Variants in LATS2 observed in about 807,000 individuals in gnomAD.
LATS2 encodes serine/threonine-protein kinase LATS2.
In LATS2, 24 loss-of-function variants were observed where a neutral mutation model predicts 76.0. That is an observed-to-expected ratio of 0.32 (90% CI 0.23 to 0.44). LATS2 has a LOEUF of 0.44. Among genes scored for constraint, LATS2 ranks in the 20% least tolerant of loss-of-function variants. The pLI, the probability that LATS2 is intolerant of heterozygous loss-of-function variation, is 1.00. For synonymous variants in LATS2, 692 were observed against 635.4 expected (o/e 1.09, Z -1.34); for missense variants, 1,286 against 1,481.2 (o/e 0.87, Z 2.16).
Position 20,988,153 on chromosome 13 carries a change from T to C in LATS2, c.1627A>G (p.Ser543Gly), listed in dbSNP as rs1870255523. Residue 543 changes from serine (S) to glycine (G), a missense_variant, in exon 4 of 8, where the codon AGC becomes GGC. Physicochemically the swap from Ser to Gly is moderately conservative, Grantham distance 56 (BLOSUM62 0). Around this residue, in one of 5 missense-constraint regions of LATS2, gnomAD observed 710 missense variants for 660.9 expected, o/e 1.07. Coordinates refer to ENST00000382592, the MANE Select transcript of LATS2 (RefSeq NM_014572.3). ...GGCTCGTTGGGGCCCGCACGGAGGCTCTGCTCCATGCCTGCGCACAGGCTG... is the reference window on the plus strand; with the variant it reads ...GGCTCGTTGGGGCCCGCACGGAGGCCCTGCTCCATGCCTGCGCACAGGCTG... ...LDSLCAGMEQ[S>G]LRAGPNEPEG... 2 of 1,613,964 alleles carry C rather than the reference T, an allele frequency of 1.2e-6. No homozygotes were observed. The highest frequency in any genetic ancestry group is 1.7e-6 in the Non-Finnish European group (2 of 1,180,000).
intron 2 of LATS2, among the ~76,000 whole-genome samples, chr13:21,019,295 T>TTTG (rs1366040006): frequency 4.0e-4 from 43 of 108,770 alleles, no homozygotes; most frequent in African/African-American, 1.5e-3. Context: ...CTCACTTGGA[T>TTTG]TTGTTATTAT....
rs552043630 is a variant in LATS2, at chr13:21,011,181, C to T, written c.343-19777G>A. The stretch of plus-strand genomic sequence containing the variant: ...ATATCAGGACCATGGCCGTTTCTAC[C>T]TCCTCTCATCTCTTTCTTGGCAGTA... On this transcript the variant is annotated intron_variant, in intron 2 of 7. Coordinates refer to ENST00000382592, the MANE Select transcript of LATS2 (RefSeq NM_014572.3). Among the ~76,000 whole-genome samples the T allele has an allele frequency of 1.3e-3, 204 of 152,326 alleles. 2 individuals are homozygous for T. The highest frequency in any genetic ancestry group is 4.6e-3 in the African/African-American group (193 of 41,570).
chr13:21,019,465 T>G (rs1871950302), intron 2 of LATS2, among the ~76,000 whole-genome samples: 1 of 148,300 alleles, frequency 6.7e-6, no homozygotes. Context: ...TAGCTGGAAC[T>G]ACAGGTGCAC....
At position 20,973,981 on chromosome 13, in the gene LATS2, C is replaced by A. The variant is rs925740669; in HGVS notation, c.*889G>T. On this transcript the variant is annotated 3_prime_UTR_variant, in exon 8 of 8. Transcript: ENST00000382592. ...GACAAATGTTTCAGTTCCCCCCCCC[C>A]AAAGAATCCAATCACAACCAAGACA... is the stretch of plus-strand genomic sequence containing the variant. The A allele has an allele frequency of 1.5e-5, 3 of 195,920 alleles. No individual in the cohort carries two copies. The highest frequency in any genetic ancestry group is 2.2e-4 in the South Asian group (1 of 4,602). The allele number at this position is 195,920 out of a possible 1,614,324, so 12.1% of individuals were successfully genotyped here.
At chr13:21,055,371 T>C (rs1019676260) in intron 1 of LATS2, among the ~76,000 whole-genome samples, 1 of 152,224 alleles carries the variant, frequency 6.6e-6, no homozygotes, top group African/African-American at 2.4e-5. Flanking sequence ...GCATCACCAA[T>C]TGATTCACAC....
chr13:21,000,771 G>A (rs904617865), intron 2 of LATS2, among the ~76,000 whole-genome samples: 4 of 152,134 alleles, frequency 2.6e-5, no homozygotes, highest in Non-Finnish European at 5.9e-5. Flanking sequence ...TAGATGGTAT[G>A]TAGCAAAAAT....
intron 2 of LATS2, among the ~76,000 whole-genome samples, chr13:21,042,029 A>C (rs1274677031): frequency 6.6e-6 from 1 of 152,190 alleles, no homozygotes; most frequent in Non-Finnish European, 1.5e-5. Context: ...TATGCCAATA[A>C]CTATCCAATG....
chr13:21,029,950 C>G (rs981964248), intron 2 of LATS2, among the ~76,000 whole-genome samples: 1 of 151,878 alleles, frequency 6.6e-6, no homozygotes, highest in African/African-American at 2.4e-5. Context: ...ATGGTGAAAC[C>G]CTGTCTCTAC....
chr13:21,035,261 A>T (rs947350956), intron 2 of LATS2, among the ~76,000 whole-genome samples: 4 of 150,468 alleles, frequency 2.7e-5, no homozygotes, highest in African/African-American at 7.3e-5. Context: ...TGGATGTGGC[A>T]TTTTTTTTTT....
rs542805291 is a variant in LATS2, at chr13:20,994,525, C to T, written c.343-3121G>A. Among the ~76,000 whole-genome samples the T allele has an allele frequency of 3.3e-5, 5 of 152,218 alleles. No homozygotes were observed. The South Asian group carries it at 8.3e-4, about 25-fold the overall frequency. On this transcript the variant is annotated intron_variant, in intron 2 of 7. Coordinates refer to ENST00000382592, the MANE Select transcript of LATS2 (RefSeq NM_014572.3). The stretch of plus-strand genomic sequence containing the variant: ...ATGGCAAGAGGTCGGAGCCAGGATG[C>T]GGGAGGAGTGTGTCAGAGAGATGCA...
intron 1 of LATS2, among the ~76,000 whole-genome samples, 174 bp downstream of exon 1, chr13:21,061,172 G>T (rs1019513406): frequency 2.6e-5 from 4 of 151,208 alleles, no homozygotes; most frequent in African/African-American, 9.7e-5. Context: ...CGCGGACCGT[G>T]GGGGCAGGGC....
At chr13:21,004,276 C>T (rs1871170723) in intron 2 of LATS2, among the ~76,000 whole-genome samples, 1 of 152,002 alleles carries the variant, frequency 6.6e-6, no homozygotes, top group Admixed American at 6.6e-5. Context: ...CTCTGTTAAA[C>T]ATACAAAATT....
In LATS2 at chr13:20,988,712, G is replaced by C; in HGVS notation, c.1068C>G (p.Asn356Lys). 2 of 1,566,664 alleles carry C rather than the reference G, an allele frequency of 1.3e-6. No individual in the cohort carries two copies. Among genetic ancestry groups the C allele is most frequent in the East Asian group, 2.3e-5 (1 of 44,382 alleles). ...SLLTPSRNSL[N>K]VDLYELGSTS... ...TGCTGCCCAATTCATACAGGTCCAC[G>C]TTGAGGCTGTTCCGCGAGGGAGTGA... The change falls in exon 4 of 8, where the codon AAC (asparagine) becomes AAG (lysine). Residue 356 changes from asparagine to lysine, a missense_variant. Coordinates refer to ENST00000382592, the MANE Select transcript of LATS2 (RefSeq NM_014572.3).
At chr13:21,012,797 C>T (rs1182626083) in intron 2 of LATS2, among the ~76,000 whole-genome samples, 1 of 151,440 alleles carries the variant, frequency 6.6e-6, no homozygotes, top group Non-Finnish European at 1.5e-5. Flanking sequence ...CCCCCCCCCA[C>T]CTCCTAGGAA....
chr13:21,028,852 G>A (rs1872414615), intron 2 of LATS2, among the ~76,000 whole-genome samples: 1 of 152,162 alleles, frequency 6.6e-6, no homozygotes, highest in Non-Finnish European at 1.5e-5. Flanking sequence ...ACAGGTGTGA[G>A]CCACCGTACC....
rs1873534679 is a variant in LATS2, at chr13:21,058,935, G to A, written c.-205+2411C>T. Among the ~76,000 whole-genome samples, 7 of 149,640 alleles carry A rather than the reference G, an allele frequency of 4.7e-5. No homozygotes were observed. In the South Asian group the frequency reaches 1.5e-3, roughly 31 times the overall value. On this transcript the variant is annotated intron_variant, in intron 1 of 7. Coordinates refer to ENST00000382592, the MANE Select transcript of LATS2 (RefSeq NM_014572.3). ...CTGTTACTACCTTATTACAACGGTTGTTACAGAAAAAAAAAAAACATACAA... is the reference window on the plus strand; with the variant it reads ...CTGTTACTACCTTATTACAACGGTTATTACAGAAAAAAAAAAAACATACAA...
At chr13:21,045,197 A>G (rs549354573) in intron 2 of LATS2, among the ~76,000 whole-genome samples, 6 of 152,276 alleles carry the variant, frequency 3.9e-5, no homozygotes, top group East Asian at 1.9e-4. Flanking sequence ...CCCCTGTAAC[A>G]GCATATACAC....
intron 2 of LATS2, among the ~76,000 whole-genome samples, chr13:21,024,201 A>AG (rs747942359): frequency 4.6e-5 from 7 of 150,980 alleles, no homozygotes; most frequent in East Asian, 3.9e-4. Context: ...TGGGAGGCTG[A>AG]GGGGGAGGGA....
At chr13:21,048,411 A>G (rs1873144539) in intron 1 of LATS2, among the ~76,000 whole-genome samples, 1 of 152,240 alleles carries the variant, frequency 6.6e-6, no homozygotes, top group Non-Finnish European at 1.5e-5. Flanking sequence ...TATCTTCACA[A>G]GAACAATCAA....
Sources: gnomAD v4.1 joint callset for allele counts (sites outside exome capture counted in the v4.1 genomes callset) on GRCh38, gnomAD v4.1.1 for gene constraint, gnomAD v4.1.1 regional missense constraint, MANE v1.5 for transcripts, NCBI Gene and HGNC (gene_info 2026-07-23, HGNC 2026-07-21) for gene names.